The following TNR variants were observed in gnomAD, a reference collection of about 807,000 sequenced individuals.
TNR encodes the protein tenascin R, also known as tenascin-R.
A neutral mutation model predicts 150.4 loss-of-function variants in TNR; 45 were observed. That is an observed-to-expected ratio of 0.30 (90% CI 0.24 to 0.38). TNR has a LOEUF of 0.38. TNR is among the 10% of genes least tolerant of loss of function. TNR has a pLI of 1.00. For missense variants in TNR, 1,544 were observed against 1,759.1 expected (o/e 0.88, Z 2.19); for synonymous variants, 687 against 678.4 (o/e 1.01, Z -0.20).
At chr1:175,380,515 G>T (rs954755248) in intron 8 of TNR, among the ~76,000 whole-genome samples, 2 of 148,394 alleles carry the variant, frequency 1.3e-5, no homozygotes, top group African/African-American at 5.0e-5. Context: ...AGCTTGCAGC[G>T]AGCCGAGATC....
At chr1:175,405,022 G>T (rs1653883875) in intron 3 of TNR, among the ~76,000 whole-genome samples, 1 of 152,190 alleles carries the variant, frequency 6.6e-6, no homozygotes, top group African/African-American at 2.4e-5. Context: ...GGGCCATCCA[G>T]GCTCTGTTAA....
At chr1:175,452,316 G>A (rs918829155) in intron 2 of TNR, among the ~76,000 whole-genome samples, 2 of 152,254 alleles carry the variant, frequency 1.3e-5, no homozygotes, top group African/African-American at 4.8e-5. Context: ...TCTAGCGGGG[G>A]AAATGACAAT....
intron 1 of TNR, among the ~76,000 whole-genome samples, chr1:175,627,455 A>G (rs939613591): frequency 6.6e-6 from 1 of 152,212 alleles, no homozygotes; most frequent in African/African-American, 2.4e-5. Context: ...ATATACTTGA[A>G]AAGGAGTTAC....
At chr1:175,662,446 T>A (rs1454840474) in intron 1 of TNR, among the ~76,000 whole-genome samples, 1 of 152,144 alleles carries the variant, frequency 6.6e-6, no homozygotes, top group Non-Finnish European at 1.5e-5. Context: ...GTGTTGCCTG[T>A]GTGTAAGTCT....
intron 1 of TNR, among the ~76,000 whole-genome samples, chr1:175,537,648 A>G (rs1250818012): frequency 6.6e-6 from 1 of 152,214 alleles, no homozygotes; most frequent in Non-Finnish European, 1.5e-5. Context: ...CTAGAATGAT[A>G]AAAGCTTGAC....
chr1:175,362,778 G>A lies in TNR; in HGVS notation c.2739C>T (p.Asn913=). The part of the protein sequence containing the change: ...VGRLDSSVVP[N]TVTEFTITRL... The stretch of plus-strand genomic sequence containing the variant: ...TGGTGATGGTGAATTCTGTCACAGT[G>A]TTGGGCACCACTGAGCTGTCTAGTC... Residue 913 remains asparagine, a synonymous_variant, in exon 14 of 23, where the codon AAC becomes AAT. Coordinates refer to ENST00000367674, the MANE Select transcript of TNR (RefSeq NM_003285.3). 6.2e-7 allele frequency: 1 copy of A among 1,614,152 alleles called. No homozygotes were observed. Among genetic ancestry groups the A allele is most frequent in the Non-Finnish European group, 8.5e-7 (1 of 1,180,012 alleles).
chr1:175,709,302 C>CAT (rs1553255806), intron 1 of TNR, among the ~76,000 whole-genome samples: 3 of 139,328 alleles, frequency 2.2e-5, no homozygotes, highest in African/African-American at 9.3e-5. Flanking sequence ...TTCACACACA[C>CAT]ACACATACAC....
At chr1:175,678,378 A>G (rs1002485706) in intron 1 of TNR, among the ~76,000 whole-genome samples, 2 of 152,172 alleles carry the variant, frequency 1.3e-5, no homozygotes, top group Non-Finnish European at 2.9e-5. Flanking sequence ...CGGCCCTGGC[A>G]TCTGTATTTT....
intron 1 of TNR, among the ~76,000 whole-genome samples, chr1:175,586,068 G>C (rs902167131): frequency 1.3e-5 from 2 of 152,176 alleles, no homozygotes; most frequent in Non-Finnish European, 2.9e-5. Flanking sequence ...AGCATGGTGT[G>C]TCCTATGATG....
rs775462429 is a variant in TNR, at chr1:175,365,999, G to A, written c.2193C>T (p.Thr731=). ...TPSSGIASEV[T]VPKDRTSYTL... is the part of the protein sequence containing the mutation. ...TGTATGAGGTCCTGTCCTTGGGTAC[G>A]GTGACTTCTGAGGCAATCCCAGAGG... Residue 731 remains threonine, a synonymous_variant, in exon 11 of 23, where the codon ACC becomes ACT. Transcript: ENST00000367674. 2.5e-5 allele frequency: 40 copies of A among 1,613,984 alleles called. No homozygotes were observed. The highest frequency in any genetic ancestry group is 1.8e-4 in the South Asian group (16 of 91,074).
intron 21 of TNR, among the ~76,000 whole-genome samples, chr1:175,326,549 G>C (rs780369893): frequency 2.6e-5 from 4 of 151,944 alleles, no homozygotes; most frequent in Non-Finnish European, 4.4e-5. Context: ...CAGTCTCCAG[G>C]GACTCAGATT....
chr1:175,350,989 A>G (rs545900772), intron 18 of TNR, among the ~76,000 whole-genome samples: 3 of 152,328 alleles, frequency 2.0e-5, no homozygotes, highest in African/African-American at 7.2e-5. Context: ...AAAGTCAGGT[A>G]CTGTCAATGA....
intron 1 of TNR, among the ~76,000 whole-genome samples, chr1:175,584,233 G>A (rs1662477734): frequency 6.6e-6 from 1 of 152,174 alleles, no homozygotes; most frequent in Non-Finnish European, 1.5e-5. Context: ...ATCAAAAGGG[G>A]GAATTTGGAC....
intron 1 of TNR, among the ~76,000 whole-genome samples, chr1:175,568,942 C>A (rs973937829): frequency 6.6e-6 from 1 of 152,080 alleles, no homozygotes; most frequent in African/African-American, 2.4e-5. Context: ...CTCTCTCTTG[C>A]CCTGTCCACT....
intron 2 of TNR, among the ~76,000 whole-genome samples, chr1:175,517,870 C>T (rs756997049): frequency 3.9e-5 from 6 of 152,126 alleles, no homozygotes; most frequent in Non-Finnish European, 8.8e-5. Flanking sequence ...ACCCACTGTG[C>T]ATGTTTCCAG....
chr1:175,733,222 G>A (rs758204673), intron 1 of TNR, among the ~76,000 whole-genome samples: 16 of 152,322 alleles, frequency 1.1e-4, no homozygotes, highest in African/African-American at 2.4e-4. Context: ...AGTGGGAACC[G>A]GGTCCCTTCC....
At chr1:175,410,098 C>A (rs577007370) in intron 2 of TNR, among the ~76,000 whole-genome samples, 3 of 152,210 alleles carry the variant, frequency 2.0e-5, no homozygotes, top group African/African-American at 7.2e-5. Flanking sequence ...TGAGAGGACA[C>A]CCGACAGAAG....
intron 1 of TNR, among the ~76,000 whole-genome samples, chr1:175,555,242 A>C (rs533677503): frequency 6.6e-5 from 10 of 152,112 alleles, no homozygotes; most frequent in Non-Finnish European, 1.5e-4. Context: ...ATACATACAG[A>C]GGGGAAAAAT....
chr1:175,380,672 A>C (rs942827722), intron 8 of TNR, among the ~76,000 whole-genome samples: 2 of 152,000 alleles, frequency 1.3e-5, no homozygotes, highest in African/African-American at 2.4e-5. Flanking sequence ...TGTTCTCTGC[A>C]GTTGCCACAA....
Sources: gnomAD v4.1 joint callset for allele counts (sites outside exome capture counted in the v4.1 genomes callset) on GRCh38, gnomAD v4.1.1 for gene constraint, MANE v1.5 for transcripts, NCBI Gene and HGNC (gene_info 2026-07-23, HGNC 2026-07-21) for gene names.